Variants in NIPAL2 observed in about 807,000 individuals in gnomAD.
NIPAL2 encodes NIPA like domain containing 2.
In NIPAL2, 43 loss-of-function variants were observed where a neutral mutation model predicts 48.9. That is an observed-to-expected ratio of 0.88 (90% CI 0.69 to 1.13). The LOEUF (loss-of-function observed/expected upper bound fraction) is 1.13, where lower values mean the gene tolerates loss of function less well. Among genes scored for constraint, NIPAL2 ranks in the 50% most tolerant of loss-of-function variants. The probability of loss-of-function intolerance (pLI) is 0.00; values close to 1 mark genes in which losing one functional copy is unlikely to be tolerated. For missense variants in NIPAL2, 446 were observed against 461.4 expected (o/e 0.97, Z 0.31); for synonymous variants, 167 against 174.6 (o/e 0.96, Z 0.34).
chr8:98,277,546 C>A (rs1209089367), intron 1 of NIPAL2, among the ~76,000 whole-genome samples: 2 of 151,698 alleles, frequency 1.3e-5, no homozygotes. Context: ...CAAAAAAAAA[C>A]CAAAAAAGAA....
rs1435659359 is a variant in NIPAL2 at position 98,203,201 on chromosome 8, G to T, written c.792-5C>A. On this transcript the variant is annotated splice_polypyrimidine_tract_variant and splice_region_variant and intron_variant, in intron 7 of 10. Coordinates refer to ENST00000430223, the MANE Select transcript of NIPAL2 (RefSeq NM_001321635.2). ...TTCGTGGCTTGATTCAGGAACCTAG[G>T]GCAGAAGGCACTTACTGGAGCTTTG... 6.2e-7 allele frequency: 1 copy of T among 1,610,498 alleles called. No homozygotes were observed. The highest frequency in any genetic ancestry group is 8.5e-7 in the Non-Finnish European group (1 of 1,176,790).
chr8:98,253,353 T>G (rs1813695829), intron 2 of NIPAL2, among the ~76,000 whole-genome samples: 2 of 152,304 alleles, frequency 1.3e-5, no homozygotes, highest in East Asian at 3.9e-4. Context: ...ATTTTGATGC[T>G]CAGGTTTATT....
At position 98,205,478 on chromosome 8, in the gene NIPAL2, G is replaced by GTT. The variant is rs35590416; in HGVS notation, c.656-234_656-233dup. On this transcript the variant is annotated intron_variant, in intron 6 of 10. Coordinates refer to ENST00000430223, the MANE Select transcript of NIPAL2 (RefSeq NM_001321635.2). ...CTAAAGATCTGCTGTGTGACTGTGT[G>GTT]TTTTTTTTTTTTATCTGTGGAGCAA... Among the ~76,000 whole-genome samples, 131 of 147,718 alleles carry GTT rather than the reference G, an allele frequency of 8.9e-4. 1 individual carries two copies. The highest frequency in any genetic ancestry group is 3.1e-3 in the African/African-American group (125 of 40,110).
chr8:98,224,501 T>C (rs1198824417), intron 4 of NIPAL2, among the ~76,000 whole-genome samples: 1 of 152,136 alleles, frequency 6.6e-6, no homozygotes, highest in African/African-American at 2.4e-5. Flanking sequence ...TACTGTTTAC[T>C]GAACCAGTTT....
intron 3 of NIPAL2, among the ~76,000 whole-genome samples, chr8:98,249,015 C>T (rs1254477792): frequency 1.3e-5 from 2 of 152,100 alleles, no homozygotes; most frequent in Admixed American, 1.3e-4. Context: ...TGAGCTTTGC[C>T]TTAAGAATTC....
chr8:98,245,082 A>G (rs1563518788), intron 3 of NIPAL2, among the ~76,000 whole-genome samples: 2 of 152,222 alleles, frequency 1.3e-5, no homozygotes, highest in African/African-American at 4.8e-5. Context: ...TATTTACATA[A>G]TAATGCTACA....
rs1346633116 is a variant in NIPAL2, at chr8:98,244,191, T to C, written c.377-7977A>G. ...ATGCCTATAAGGGCCTTTAAGGTAA[T>C]CCTCTGAAGACAAAAAAAAAAATGA... On this transcript the variant is annotated intron_variant, in intron 3 of 10. Transcript: ENST00000430223. 4.7e-5 allele frequency among the ~76,000 whole-genome samples: 6 copies of C among 127,150 alleles called. No individual in the cohort carries two copies. In the South Asian group the frequency reaches 1.0e-3, roughly 22 times the overall value. The allele number at this position is 127,150 out of a possible 152,430, so 83.4% of individuals were successfully genotyped here. A position where few individuals can be genotyped will look rare whatever the true frequency, so the allele number is the denominator to read the frequency against.
rs144738074 is a variant in NIPAL2, at chr8:98,238,271, A to G, written c.377-2057T>C. Among the ~76,000 whole-genome samples, 748 of 152,356 alleles carry G rather than the reference A, an allele frequency of 4.9e-3. 9 individuals are homozygous for G. Among genetic ancestry groups the G allele is most frequent in the African/African-American group, 0.016 (684 of 41,584 alleles). ...AAAACTATTTGCTGGTTGTTTTTTAAAAGTAAAAGTACAGGAAAGAAAAGT... is the reference window on the plus strand; with the variant it reads ...AAAACTATTTGCTGGTTGTTTTTTAGAAGTAAAAGTACAGGAAAGAAAAGT... On this transcript the variant is annotated intron_variant, in intron 3 of 10. Transcript: ENST00000430223.
rs1207918554 is a variant in NIPAL2, at chr8:98,266,193, TAGTG to T, written c.136-12110_136-12107del. Among the ~76,000 whole-genome samples the T allele has an allele frequency of 2.7e-5, 4 of 148,940 alleles. No individual in the cohort carries two copies. In the East Asian group the frequency reaches 8.1e-4, roughly 30 times the overall value. ...ATATGCCTAATGCTAGATGGCAACT[TAGTG>T]GGTGCAGTGCACCAGCATGGCACAT... On this transcript the variant is annotated intron_variant, in intron 1 of 10. Transcript: ENST00000430223.
Position 98,281,085 on chromosome 8 carries a change from C to T in NIPAL2, c.135+12918G>A, listed in dbSNP as rs986256900. Among the ~76,000 whole-genome samples the T allele has an allele frequency of 6.6e-5, 10 of 151,408 alleles. No homozygotes were observed. In the South Asian group the frequency reaches 1.0e-3, roughly 16 times the overall value. On this transcript the variant is annotated intron_variant, in intron 1 of 10. Coordinates refer to ENST00000430223, the MANE Select transcript of NIPAL2 (RefSeq NM_001321635.2). ...ATAAAACCATTGCGCAACTGAAGACCGCATGTAGGCACTGCTTGAGAAAAA... is the reference window on the plus strand; with the variant it reads ...ATAAAACCATTGCGCAACTGAAGACTGCATGTAGGCACTGCTTGAGAAAAA...
At chr8:98,283,867 G>C (rs527454824) in intron 1 of NIPAL2, among the ~76,000 whole-genome samples, 1 of 152,254 alleles carries the variant, frequency 6.6e-6, no homozygotes, top group African/African-American at 2.4e-5. Context: ...TATGGGGAGG[G>C]ATTGTGATGA....
At chr8:98,216,916 G>A (rs1811606820) in intron 5 of NIPAL2, 1 of 420,690 alleles carries the variant, frequency 2.4e-6, no homozygotes. Flanking sequence ...GGTCAAATAA[G>A]CCTGGGCATG....
intron 1 of NIPAL2, among the ~76,000 whole-genome samples, chr8:98,285,587 G>T (rs750924440): frequency 1.3e-5 from 2 of 152,208 alleles, no homozygotes; most frequent in Non-Finnish European, 2.9e-5. Context: ...TTGAAAATGA[G>T]AGTGAGGAAC....
intron 3 of NIPAL2, among the ~76,000 whole-genome samples, chr8:98,243,245 T>C (rs1004331992): frequency 9.9e-5 from 15 of 152,252 alleles, no homozygotes; most frequent in African/African-American, 3.6e-4. Flanking sequence ...ATCTGTTCTT[T>C]TGGCTATTAA....
chr8:98,251,997 T>C (rs538264775), intron 3 of NIPAL2, among the ~76,000 whole-genome samples: 55 of 151,384 alleles, frequency 3.6e-4, no homozygotes, highest in Middle Eastern at 3.4e-3. Flanking sequence ...TTTGTGACAT[T>C]ACTGTAAAAT....
Position 98,246,451 on chromosome 8 carries a change from G to A in NIPAL2, c.376+6012C>T, listed in dbSNP as rs116908153. On this transcript the variant is annotated intron_variant, in intron 3 of 10. Transcript: ENST00000430223. Reference sequence around the variant, plus strand: ...ATACAAATTAGCTCAGTAACAGTGCGACTACTTCTCTTAGGAACTTACTCT... The same window carrying A: ...ATACAAATTAGCTCAGTAACAGTGCAACTACTTCTCTTAGGAACTTACTCT... 8.5e-4 allele frequency among the ~76,000 whole-genome samples: 129 copies of A among 152,258 alleles called. 2 individuals carry two copies. In the East Asian group the frequency reaches 0.023, roughly 27 times the overall value.
At chr8:98,288,759 T>C (rs1241990508) in intron 1 of NIPAL2, among the ~76,000 whole-genome samples, 3 of 152,224 alleles carry the variant, frequency 2.0e-5, no homozygotes, top group African/African-American at 7.2e-5. Context: ...GGTATCTCAT[T>C]GTGGTATTAC....
chr8:98,198,103 T>C (rs1488552151), intron 8 of NIPAL2, among the ~76,000 whole-genome samples: 1 of 152,260 alleles, frequency 6.6e-6, no homozygotes, highest in Non-Finnish European at 1.5e-5. Flanking sequence ...AATTACTCAT[T>C]GATCCATGGG....
At chr8:98,290,347 TCTCACC>T (rs2130924337) in intron 1 of NIPAL2, among the ~76,000 whole-genome samples, 1 of 152,244 alleles carries the variant, frequency 6.6e-6, no homozygotes, top group East Asian at 1.9e-4. Flanking sequence ...TGAAGTTTCA[TCTCACC>T]CTATGCAGAA....
Sources: allele counts gnomAD v4.1 joint callset (sites outside exome capture counted in the v4.1 genomes callset), GRCh38; gene constraint gnomAD v4.1.1; transcripts MANE v1.5; gene names NCBI Gene and HGNC (gene_info 2026-07-23, HGNC 2026-07-21).